Variants in CEACAM18 observed in about 807,000 individuals in gnomAD.
CEACAM18 encodes cell adhesion molecule CEACAM18.
Under a neutral mutation model 34.3 loss-of-function variants are expected in CEACAM18, and 33 were observed. The observed-to-expected ratio is 0.96, with a 90% CI of 0.73 to 1.29. CEACAM18 has a LOEUF of 1.29. Among genes scored for constraint, CEACAM18 ranks in the 50% most tolerant of loss-of-function variants. CEACAM18 has a pLI of 0.00. For missense variants in CEACAM18, 474 were observed against 485.0 expected (o/e 0.98, Z 0.21); for synonymous variants, 169 against 180.9 (o/e 0.93, Z 0.53).
chr19:51,481,916 G>T (rs1989923456), intron 3 of CEACAM18, among the ~76,000 whole-genome samples: 1 of 152,208 alleles, frequency 6.6e-6, no homozygotes, highest in Admixed American at 6.5e-5. Flanking sequence ...GATTAGAAAT[G>T]GTCAGTGTGC....
exon 6 of CEACAM18, chr19:51,490,747 A>G (rs1258880308): frequency 3.1e-6 from 2 of 647,036 alleles, no homozygotes; most frequent in Non-Finnish European, 4.4e-6. Context: ...CAAGAGAGGG[A>G]CCCAGCCCAG....
chr19:51,486,973 C>T (rs1331043443), intron 5 of CEACAM18, among the ~76,000 whole-genome samples: 7 of 151,846 alleles, frequency 4.6e-5, no homozygotes, highest in Non-Finnish European at 7.4e-5. Flanking sequence ...CCGCCCGCCT[C>T]AGCATCCCAA....
At chr19:51,480,706 C>G in intron 2 of CEACAM18, 26 bp downstream of exon 2, 1 of 1,583,224 alleles carries the variant, frequency 6.3e-7, no homozygotes, top group Non-Finnish European at 8.6e-7. Flanking sequence ...CTGTGTTTCC[C>G]AACCCCCAAG....
chr19:51,484,030 T>C (rs950621355), intron 4 of CEACAM18, among the ~76,000 whole-genome samples: 1 of 152,216 alleles, frequency 6.6e-6, no homozygotes, highest in Admixed American at 6.5e-5. Context: ...CCTATCTCCA[T>C]GAACCTGGGA....
At chr19:51,480,012 G>A (rs1479290118) in intron 1 of CEACAM18, among the ~76,000 whole-genome samples, 1 of 152,194 alleles carries the variant, frequency 6.6e-6, no homozygotes, top group Non-Finnish European at 1.5e-5. Context: ...GGGAGCCATG[G>A]AAGGTGTTTG....
In CEACAM18 at chr19:51,478,696, T is replaced by G; in HGVS notation, c.52+2T>G. 6.9e-7 allele frequency: 1 copy of G among 1,445,428 alleles called. No individual in the cohort carries two copies. Among genetic ancestry groups the G allele is most frequent in the Non-Finnish European group, 9.2e-7 (1 of 1,091,466 alleles). The allele number at this position is 1,445,428 out of a possible 1,614,324, so 89.5% of individuals were successfully genotyped here. A position where few individuals can be genotyped will look rare whatever the true frequency, so the allele number is the denominator to read the frequency against. ...TGTGGAGGAGGGTCTTCCTCATGGG[T>G]AAGAGATGCTGGATGCTGGATGAGC... On this transcript the variant is annotated splice_donor_variant, in intron 1 of 5. Transcript: ENST00000396477. LOFTEE classifies it high-confidence loss of function.
At chr19:51,491,054 A>G (rs544246902), downstream of CEACAM18, 209 of 162,542 alleles carry the variant, frequency 1.3e-3, 1 homozygote, top group African/African-American at 4.8e-3. Flanking sequence ...TCAGTGCCGA[A>G]TGAGAGAAGA....
At chr19:51,489,009 C>T (rs1990046456) in intron 5 of CEACAM18, among the ~76,000 whole-genome samples, 1 of 151,274 alleles carries the variant, frequency 6.6e-6, no homozygotes, top group South Asian at 2.1e-4. Flanking sequence ...GTATAATGGG[C>T]CTTAGTGCTT....
chr19:51,486,666 CTTT>C (rs1279162109), intron 5 of CEACAM18, among the ~76,000 whole-genome samples: 1 of 151,926 alleles, frequency 6.6e-6, no homozygotes, highest in Non-Finnish European at 1.5e-5. Flanking sequence ...CAGAACAAAA[CTTT>C]TGTTTATTGA....
Position 51,485,889 on chromosome 19 carries a change from G to C in CEACAM18, c.1089+767G>C, listed in dbSNP as rs1242554955. On this transcript the variant is annotated intron_variant, in intron 5 of 5. Transcript: ENST00000396477. ...TAACAACCACCACCACCCCAGTTCA[G>C]AAAACCAAAAATGTCTCTAGACACT... is the stretch of plus-strand genomic sequence containing the variant. 2.0e-5 allele frequency among the ~76,000 whole-genome samples: 3 copies of C among 152,162 alleles called. No individual in the cohort carries two copies. In the East Asian group the frequency reaches 5.8e-4, roughly 29 times the overall value.
At position 51,487,769 on chromosome 19, in the gene CEACAM18, C is replaced by T. The variant is rs566401433; in HGVS notation, c.1089+2647C>T. Among the ~76,000 whole-genome samples the T allele has an allele frequency of 5.3e-5, 8 of 152,118 alleles. No homozygotes were observed. In the East Asian group the frequency reaches 9.6e-4, roughly 18 times the overall value. ...TGGCACTCCAGCCTGGGCGACAGTG[C>T]GAGACTCCATCTCAAAAATAAATAA... On this transcript the variant is annotated intron_variant, in intron 5 of 5. Transcript: ENST00000396477.
chr19:51,488,514 T>C (rs1030224054), intron 5 of CEACAM18, among the ~76,000 whole-genome samples: 1 of 152,180 alleles, frequency 6.6e-6, no homozygotes, highest in Non-Finnish European at 1.5e-5. Context: ...TAATCATAAA[T>C]AGGTTCAATA....
chr19:51,490,935 C>G (rs145230461), exon 6 of CEACAM18: 1 of 305,920 alleles, frequency 3.3e-6, no homozygotes, highest in African/African-American at 2.1e-5. Flanking sequence ...TTCCAAGCGC[C>G]TCCTCCCTCA....
At chr19:51,485,868 A>G (rs931057426) in intron 5 of CEACAM18, among the ~76,000 whole-genome samples, 2 of 152,202 alleles carry the variant, frequency 1.3e-5, no homozygotes, top group Non-Finnish European at 2.9e-5. Context: ...TAGTGGTAAC[A>G]ACCACCACCA....
intron 1 of CEACAM18, among the ~76,000 whole-genome samples, chr19:51,478,937 C>T (rs1001745865): frequency 4.4e-5 from 6 of 137,610 alleles, no homozygotes; most frequent in African/African-American, 1.6e-4. Flanking sequence ...GTGTTACACA[C>T]ACACGCACAC....
chr19:51,485,400 A>G (rs1913288699), intron 5 of CEACAM18, among the ~76,000 whole-genome samples: 1 of 152,210 alleles, frequency 6.6e-6, no homozygotes, highest in Non-Finnish European at 1.5e-5. Context: ...AGGTTTACCT[A>G]GAGGGACAGG....
intron 1 of CEACAM18, 124 bp from the exon 2 acceptor site, chr19:51,480,209 C>G (rs1253714598): frequency 1.3e-6 from 1 of 791,470 alleles, no homozygotes; most frequent in East Asian, 2.7e-5. Context: ...GAGCCAGAAA[C>G]TCTTGCCTGG....
chr19:51,484,953 G>A (rs756551558), intron 4 of CEACAM18, 34 bp from the exon 5 acceptor site: 282 of 1,535,586 alleles, frequency 1.8e-4, no homozygotes, highest in East Asian at 3.9e-4. Flanking sequence ...TGGGTCAATC[G>A]TGGTCCTGAC....
chr19:51,486,376 C>A (rs1989999887), intron 5 of CEACAM18, among the ~76,000 whole-genome samples: 1 of 152,058 alleles, frequency 6.6e-6, no homozygotes, highest in African/African-American at 2.4e-5. Flanking sequence ...GACAGGCAGG[C>A]CTCTGAGCCT....
Sources: gnomAD v4.1 joint callset for allele counts (sites outside exome capture counted in the v4.1 genomes callset) on GRCh38, gnomAD v4.1.1 for gene constraint, MANE v1.5 for transcripts, NCBI Gene and HGNC (gene_info 2026-07-23, HGNC 2026-07-21) for gene names.